The following EPS15L1 variants were observed in gnomAD, a reference collection of about 807,000 sequenced individuals.
The protein encoded by EPS15L1 is epidermal growth factor receptor substrate 15-like 1.
Under a neutral mutation model 117.1 loss-of-function variants are expected in EPS15L1, and 43 were observed. The ratio of observed to expected loss-of-function variants is 0.37; its 90% CI spans 0.29 to 0.47. The LOEUF (loss-of-function observed/expected upper bound fraction) is 0.47, where lower values mean the gene tolerates loss of function less well. Among genes scored for constraint, EPS15L1 ranks in the 20% least tolerant of loss-of-function variants. The pLI is 0.99. For synonymous variants in EPS15L1, 459 were observed against 470.5 expected, an observed-to-expected ratio of 0.98 and a Z score of 0.32; for missense variants, 981 against 1,164.0, an observed-to-expected ratio of 0.84 and a Z score of 2.29.
intron 1 of EPS15L1, among the ~76,000 whole-genome samples, chr19:16,443,327 A>G (rs2093050985): frequency 6.6e-6 from 1 of 151,886 alleles, no homozygotes; most frequent in African/African-American, 2.4e-5. Flanking sequence ...GGGGACGTAG[A>G]CTCCTTCCAG....
chr19:16,470,694 T>C (rs1469413027), intron 1 of EPS15L1, among the ~76,000 whole-genome samples: 2 of 152,044 alleles, frequency 1.3e-5, no homozygotes, highest in Non-Finnish European at 2.9e-5. Context: ...TGCACTTCTC[T>C]CTCCTTGGAT....
rs2091986301 is a variant in EPS15L1, at chr19:16,356,842, T to C, written c.2587-991A>G. ...GCTCCTCCCCCAGGGTGGGTCCCAA[T>C]GTCCCAGACTTCCCTGAGAGGTCAC... On this transcript the variant is annotated intron_variant, in intron 23 of 23. Coordinates refer to ENST00000455140, the MANE Select transcript of EPS15L1 (RefSeq NM_001258374.3). 3 of 152,170 alleles carry C rather than the reference T, an allele frequency of 2.0e-5. No homozygotes were observed. In the South Asian group the frequency reaches 6.2e-4, roughly 31 times the overall value. The allele number at this position is 152,170 out of a possible 1,614,324, so 9.4% of individuals were successfully genotyped here.
Position 16,404,890 on chromosome 19 carries a change from G to T in EPS15L1, c.1267-141C>A. 1 of 872,694 alleles carries T rather than the reference G, an allele frequency of 1.1e-6. No homozygotes were observed. 54.1% of individuals were successfully genotyped at this position (872,694 alleles called of 1,614,324 possible). On this transcript the variant is annotated intron_variant, in intron 13 of 23. Transcript: ENST00000455140. The surrounding 1 kb of genome is among the most constrained non-coding windows in gnomAD (Gnocchi z 4.2). ...ACCGTGCTCAGGGCCAGCATTCCGTGCACACCCACGGCCAATGTGTGCCTC... is the reference window on the plus strand; with the variant it reads ...ACCGTGCTCAGGGCCAGCATTCCGTTCACACCCACGGCCAATGTGTGCCTC...
At chr19:16,372,470 G>A (rs1004612597) in intron 22 of EPS15L1, among the ~76,000 whole-genome samples, 1 of 152,228 alleles carries the variant, frequency 6.6e-6, no homozygotes, top group Non-Finnish European at 1.5e-5. Flanking sequence ...GGTCCTGTAT[G>A]AGCGATGACC....
At chr19:16,364,438 C>T (rs1289522470) in intron 22 of EPS15L1, among the ~76,000 whole-genome samples, 1 of 152,178 alleles carries the variant, frequency 6.6e-6, no homozygotes, top group Non-Finnish European at 1.5e-5. Flanking sequence ...GATGTCCCTC[C>T]CACCTTCAGC....
At chr19:16,395,082 C>T (rs761504460) in intron 17 of EPS15L1, among the ~76,000 whole-genome samples, 36 of 150,970 alleles carry the variant, frequency 2.4e-4, no homozygotes, top group Non-Finnish European at 2.5e-4. Flanking sequence ...TAGCCGGGTG[C>T]GGTGATGGGC....
At chr19:16,442,856 C>A (rs1226559482) in intron 1 of EPS15L1, among the ~76,000 whole-genome samples, 8 of 152,224 alleles carry the variant, frequency 5.3e-5, no homozygotes, top group Admixed American at 4.6e-4. Context: ...CCCAAGACAT[C>A]GCTGTTTGGA....
chr19:16,364,357 C>T (rs2092103234), intron 22 of EPS15L1, among the ~76,000 whole-genome samples: 2 of 152,208 alleles, frequency 1.3e-5, no homozygotes, highest in South Asian at 2.1e-4. Flanking sequence ...CCTCTCCTTC[C>T]GACAGCGCCT....
rs576021536 is a variant in EPS15L1 at position 16,402,428 on chromosome 19, C to T, written c.1684G>A (p.Glu562Lys). Residue 562 changes from glutamate (E) to lysine (K), a missense_variant, in exon 16 of 24, where the codon GAG becomes AAG. Coordinates refer to ENST00000455140, the MANE Select transcript of EPS15L1 (RefSeq NM_001258374.3). The part of the protein sequence containing the change: ...ESRQEAHRSL[E>K]QYDQVLDGAH... ...CCATCGAGCACCTGGTCATACTGCT[C>T]CAGGCTCCTGTGGGCCTCCTGGCGG... 9 of 1,613,836 alleles carry T rather than the reference C, an allele frequency of 5.6e-6. No individual in the cohort carries two copies. The highest frequency in any genetic ancestry group is 7.6e-6 in the Non-Finnish European group (9 of 1,179,854).
intron 1 of EPS15L1, among the ~76,000 whole-genome samples, chr19:16,457,965 T>C (rs2093213190): frequency 6.6e-6 from 1 of 151,240 alleles, no homozygotes; most frequent in Non-Finnish European, 1.5e-5. Context: ...CTTCCCAGAG[T>C]CTCCCAACTT....
At chr19:16,444,047 G>A (rs1239582311) in intron 1 of EPS15L1, among the ~76,000 whole-genome samples, 2 of 143,818 alleles carry the variant, frequency 1.4e-5, no homozygotes, top group African/African-American at 2.6e-5. Context: ...CCAGGCGACG[G>A]TGCGAGACTC....
Position 16,355,674 on chromosome 19 carries a change from G to A in EPS15L1, c.*31C>T, listed in dbSNP as rs564741577. On this transcript the variant is annotated 3_prime_UTR_variant, in exon 24 of 24. Coordinates refer to ENST00000455140, the MANE Select transcript of EPS15L1 (RefSeq NM_001258374.3). ...ACTGCCCCCTCTCTGGAACCCGCCC[G>A]TGCCCTGTCCCGCCTACACACGGCC... The A allele has an allele frequency of 2.2e-4, 341 of 1,530,038 alleles. No individual in the cohort carries two copies. The African/African-American group carries it at 4.1e-3, about 18-fold the overall frequency. The allele number at this position is 1,530,038 out of a possible 1,614,324, so 94.8% of individuals were successfully genotyped here.
At chr19:16,439,085 T>A (rs1302370103) in intron 4 of EPS15L1, among the ~76,000 whole-genome samples, 1 of 151,914 alleles carries the variant, frequency 6.6e-6, no homozygotes, top group Non-Finnish European at 1.5e-5. Flanking sequence ...TTTTTTTTTT[T>A]TTTTATTAAC....
intron 19 of EPS15L1, among the ~76,000 whole-genome samples, chr19:16,390,985 C>G (rs1335288065): frequency 6.6e-6 from 1 of 152,102 alleles, no homozygotes; most frequent in Admixed American, 6.6e-5. Context: ...AAACCCATCA[C>G]AAAGCAAAAA....
chr19:16,400,816 G>A, intron 16 of EPS15L1: 1 of 985,382 alleles, frequency 1.0e-6, no homozygotes, highest in Non-Finnish European at 1.2e-6. Flanking sequence ...TTTGGAGTTG[G>A]GGGAATCACT....
rs1413056745 is a variant in EPS15L1, at chr19:16,404,483, T to C, written c.1428+105A>G. The C allele has an allele frequency of 3.9e-6, 5 of 1,296,162 alleles. No homozygotes were observed. The East Asian group carries it at 7.0e-5, about 18-fold the overall frequency. 80.3% of individuals were successfully genotyped at this position (1,296,162 alleles called of 1,614,324 possible). On this transcript the variant is annotated intron_variant, in intron 14 of 23. Coordinates refer to ENST00000455140, the MANE Select transcript of EPS15L1 (RefSeq NM_001258374.3). The surrounding 1 kb of genome is among the most constrained non-coding windows in gnomAD (Gnocchi z 4.2). ...GTTTGGAGGAACTCTATTGACCCAGTAGGATGTCTAAGTGTTGTGTTCCCA... is the reference window on the plus strand; with the variant it reads ...GTTTGGAGGAACTCTATTGACCCAGCAGGATGTCTAAGTGTTGTGTTCCCA...
intron 12 of EPS15L1, among the ~76,000 whole-genome samples, chr19:16,415,961 C>T (rs185791439): frequency 9.1e-4 from 138 of 152,318 alleles, no homozygotes; most frequent in African/African-American, 3.1e-3. Flanking sequence ...TTGGATAACA[C>T]GGCCCCCAGG....
At chr19:16,454,233 ATACCT>A (rs1415320854) in intron 1 of EPS15L1, among the ~76,000 whole-genome samples, 1 of 152,200 alleles carries the variant, frequency 6.6e-6, no homozygotes, top group Non-Finnish European at 1.5e-5. Flanking sequence ...GACAGAATAA[ATACCT>A]TACAGCCATC....
At chr19:16,461,222 T>C (rs2093247102) in intron 1 of EPS15L1, among the ~76,000 whole-genome samples, 1 of 149,958 alleles carries the variant, frequency 6.7e-6, no homozygotes. Context: ...GAGAATGGCA[T>C]GAACCCGGGA....
Sources: allele counts gnomAD v4.1 joint callset (sites outside exome capture counted in the v4.1 genomes callset), GRCh38; gene constraint gnomAD v4.1.1; non-coding constraint Gnocchi (gnomAD v3.1); transcripts MANE v1.5; gene names NCBI Gene and HGNC (gene_info 2026-07-23, HGNC 2026-07-21).